Variants in PPP2R2C observed in about 807,000 individuals in gnomAD.
The protein encoded by PPP2R2C is protein phosphatase 2, regulatory subunit B, gamma.
Under a neutral mutation model 45.3 loss-of-function variants are expected in PPP2R2C, and 10 were observed. That is an observed-to-expected ratio of 0.22 (90% CI 0.14 to 0.37). The LOEUF is 0.37. Among genes scored for constraint, PPP2R2C ranks in the 10% least tolerant of loss-of-function variants. The pLI is 1.00. For synonymous variants in PPP2R2C, 257 were observed against 245.4 expected (o/e 1.05, Z -0.44); for missense variants, 308 against 619.7 (o/e 0.50, Z 5.34).
intron 1 of PPP2R2C, among the ~76,000 whole-genome samples, chr4:6,552,206 C>T (rs1375626117): frequency 1.3e-5 from 2 of 152,328 alleles, no homozygotes; most frequent in East Asian, 3.9e-4. Flanking sequence ...CATTTGTTCT[C>T]ATTGTGTAAG....
chr4:6,530,385 C>A (rs1560605587), intron 2 of PPP2R2C, among the ~76,000 whole-genome samples: 1 of 152,292 alleles, frequency 6.6e-6, no homozygotes, highest in East Asian at 1.9e-4. Flanking sequence ...GACTTTAACC[C>A]CCCATGAGAT....
At chr4:6,493,573 A>G (rs1197209143) in intron 2 of PPP2R2C, among the ~76,000 whole-genome samples, 2 of 151,036 alleles carry the variant, frequency 1.3e-5, no homozygotes, top group African/African-American at 2.4e-5. Context: ...GCTGTGTTAG[A>G]AATCTGACAC....
At chr4:6,355,509 A>G (rs566545591) in intron 5 of PPP2R2C, among the ~76,000 whole-genome samples, 8 of 151,528 alleles carry the variant, frequency 5.3e-5, no homozygotes, top group South Asian at 2.1e-4. Flanking sequence ...CCTAAAACTT[A>G]AAGTATAATA....
At chr4:6,542,687 A>G (rs1251157145) in intron 1 of PPP2R2C, among the ~76,000 whole-genome samples, 1 of 113,658 alleles carries the variant, frequency 8.8e-6, no homozygotes, top group Non-Finnish European at 1.8e-5. Flanking sequence ...TGGGTGACAG[A>G]GCAAGACTCT....
At chr4:6,410,755 G>A (rs921705705) in intron 1 of PPP2R2C, among the ~76,000 whole-genome samples, 4 of 152,074 alleles carry the variant, frequency 2.6e-5, no homozygotes, top group Non-Finnish European at 2.9e-5. Flanking sequence ...TCTCAGAAAC[G>A]TGTGCAGCGC....
rs184749415 is a variant in PPP2R2C, at chr4:6,330,241, G to A, written c.961-888C>T. 3.3e-5 allele frequency among the ~76,000 whole-genome samples: 5 copies of A among 151,970 alleles called. No individual in the cohort carries two copies. Among genetic ancestry groups the A allele is most frequent in the African/African-American group, 7.3e-5 (3 of 41,372 alleles). ...TGGAGCTGCCAGGACAACAGGGCAC[G>A]GGCTCTGCCCTCTGGGTGCGGAAGG... On this transcript the variant is annotated intron_variant, in intron 7 of 8. Coordinates refer to ENST00000382599, the MANE Select transcript of PPP2R2C (RefSeq NM_020416.4). This position sits in a 1 kb window ranked among gnomAD's most constrained non-coding sequence, Gnocchi z 7.0.
intron 1 of PPP2R2C, among the ~76,000 whole-genome samples, chr4:6,547,237 T>C (rs945500654): frequency 5.9e-5 from 9 of 152,098 alleles, no homozygotes; most frequent in African/African-American, 1.7e-4. Context: ...CACTTCAGCA[T>C]GCATCTCTAA....
At chr4:6,431,508 T>C (rs1363526502) in intron 1 of PPP2R2C, among the ~76,000 whole-genome samples, 2 of 152,090 alleles carry the variant, frequency 1.3e-5, no homozygotes, top group Non-Finnish European at 2.9e-5. Flanking sequence ...CCTGGTTACT[T>C]TGTGACCCAT....
rs1013585065 is a variant in PPP2R2C, at chr4:6,368,312, G to A, written c.625+4211C>T. Among the ~76,000 whole-genome samples the A allele has an allele frequency of 6.6e-5, 10 of 152,198 alleles. No individual in the cohort carries two copies. Among genetic ancestry groups the A allele is most frequent in the South Asian group, 2.1e-4 (1 of 4,832 alleles). On this transcript the variant is annotated intron_variant, in intron 5 of 8. Coordinates refer to ENST00000382599, the MANE Select transcript of PPP2R2C (RefSeq NM_020416.4). This position sits in a 1 kb window ranked among gnomAD's most constrained non-coding sequence, Gnocchi z 4.2. ...TGGCTGGAGAGAAATGTACACGGCT[G>A]CGCTGGCTGGGCCACCGACTCCCTG...
At chr4:6,337,958 T>C (rs777639407) in intron 6 of PPP2R2C, among the ~76,000 whole-genome samples, 4 of 152,028 alleles carry the variant, frequency 2.6e-5, no homozygotes, top group Non-Finnish European at 5.9e-5. Flanking sequence ...TTTGATACAA[T>C]AGATTTTTTT....
rs1732113567 is a variant in PPP2R2C, at chr4:6,328,238, A to G, written c.1052+1024T>C. Among the ~76,000 whole-genome samples the G allele has an allele frequency of 6.6e-6, 1 of 152,174 alleles. No homozygotes were observed. Among genetic ancestry groups the G allele is most frequent in the African/African-American group, 2.4e-5 (1 of 41,456 alleles). ...GACAGGACTGCGGGGAGGAGGTGACAGTACATGGGCTCCTGACAGGTGGTA... is the reference window on the plus strand; with the variant it reads ...GACAGGACTGCGGGGAGGAGGTGACGGTACATGGGCTCCTGACAGGTGGTA... On this transcript the variant is annotated intron_variant, in intron 8 of 8. Transcript: ENST00000382599. The surrounding 1 kb of genome is among the most constrained non-coding windows in gnomAD (Gnocchi z 4.4).
intron 1 of PPP2R2C, among the ~76,000 whole-genome samples, chr4:6,393,128 T>C (rs1020904370): frequency 3.9e-5 from 6 of 152,220 alleles, no homozygotes; most frequent in African/African-American, 1.4e-4. Flanking sequence ...CACAGAATTC[T>C]AGAACCATCA....
chr4:6,383,116 T>G (rs957675542), intron 1 of PPP2R2C: 91 of 1,111,358 alleles, frequency 8.2e-5, no homozygotes, highest in Non-Finnish European at 9.7e-5. Context: ...CAAACAGAGA[T>G]GCAAAGGGGC....
At chr4:6,408,657 T>C (rs925079154) in intron 1 of PPP2R2C, among the ~76,000 whole-genome samples, 5 of 152,188 alleles carry the variant, frequency 3.3e-5, no homozygotes, top group Non-Finnish European at 7.3e-5. Flanking sequence ...TCCTTGGCCC[T>C]GGCTGCCTGC....
intron 1 of PPP2R2C, among the ~76,000 whole-genome samples, chr4:6,448,824 C>T (rs1055173065): frequency 3.3e-5 from 5 of 152,194 alleles, no homozygotes; most frequent in South Asian, 2.1e-4. Context: ...CCCAAGGGGA[C>T]GTGCTGCAAT....
chr4:6,526,761 A>G (rs1250929044), intron 2 of PPP2R2C, among the ~76,000 whole-genome samples: 1 of 152,228 alleles, frequency 6.6e-6, no homozygotes, highest in Non-Finnish European at 1.5e-5. Flanking sequence ...GAGGGTGCAG[A>G]GAACCAACCC....
In PPP2R2C at chr4:6,351,514, G is replaced by A. The variant is rs73795990; in HGVS notation, c.626-3504C>T. The stretch of plus-strand genomic sequence containing the variant: ...GGGATCGAGGGCCTGGCTTTGGGGA[G>A]ATAAAGTCTCCCAAACCTGGGTCAG... On this transcript the variant is annotated intron_variant, in intron 5 of 8. Transcript: ENST00000382599. Among the ~76,000 whole-genome samples, 627 of 152,208 alleles carry A rather than the reference G, an allele frequency of 4.1e-3. 3 individuals carry two copies. Among genetic ancestry groups the A allele is most frequent in the African/African-American group, 0.014 (576 of 41,532 alleles).
intron 1 of PPP2R2C, chr4:6,382,945 A>G: frequency 8.3e-6 from 9 of 1,085,300 alleles, no homozygotes; most frequent in Non-Finnish European, 1.0e-5. Flanking sequence ...GAGTGTTCTA[A>G]AGGCAGCCCC....
At chr4:6,374,311 T>C (rs753872110) in intron 4 of PPP2R2C, among the ~76,000 whole-genome samples, 20 of 152,184 alleles carry the variant, frequency 1.3e-4, no homozygotes, top group Non-Finnish European at 2.4e-4. Flanking sequence ...CTCCAGCCAT[T>C]TGCTGCCATC....
Sources: gnomAD v4.1 joint callset for allele counts (sites outside exome capture counted in the v4.1 genomes callset) on GRCh38, gnomAD v4.1.1 for gene constraint, Gnocchi (gnomAD v3.1) non-coding constraint, MANE v1.5 for transcripts, NCBI Gene and HGNC (gene_info 2026-07-23, HGNC 2026-07-21) for gene names.